Variants in GLI2 observed in about 807,000 individuals in gnomAD.
The protein encoded by GLI2 is transcription activator GLI2.
In GLI2, 22 loss-of-function variants were observed where a neutral mutation model predicts 78.9. The observed-to-expected ratio is 0.28, with a 90% CI of 0.20 to 0.40. The LOEUF is 0.40. Among genes scored for constraint, GLI2 ranks in the 10% least tolerant of loss-of-function variants. The pLI is 1.00. For missense variants in GLI2, 2,097 were observed against 2,213.2 expected, an observed-to-expected ratio of 0.95 and a Z score of 1.05; for synonymous variants, 974 against 963.7, an observed-to-expected ratio of 1.01 and a Z score of -0.20.
At position 120,737,563 on chromosome 2, in the gene GLI2, G is replaced by C. The variant is rs545887027; in HGVS notation, c.-31+1278G>C. ...TAGGCGTCCCTCTGTCCCCCAGCCCGGGCATCCCGCTCGGTGCGCGACCTC... is the reference window on the plus strand; with the variant it reads ...TAGGCGTCCCTCTGTCCCCCAGCCCCGGCATCCCGCTCGGTGCGCGACCTC... On this transcript the variant is annotated intron_variant, in intron 1 of 13. Coordinates refer to ENST00000361492, the MANE Select transcript of GLI2 (RefSeq NM_001374353.1). This position sits in a 1 kb window ranked among gnomAD's most constrained non-coding sequence, Gnocchi z 4.3. 1.3e-5 allele frequency among the ~76,000 whole-genome samples: 2 copies of C among 152,200 alleles called. No individual in the cohort carries two copies. The highest frequency in any genetic ancestry group is 2.9e-5 in the Non-Finnish European group (2 of 68,040).
intron 2 of GLI2, among the ~76,000 whole-genome samples, chr2:120,807,474 T>A (rs531153128): frequency 6.6e-6 from 1 of 152,186 alleles, no homozygotes; most frequent in Non-Finnish European, 1.5e-5. Context: ...AACTGTTTTC[T>A]GAGGGTAGCG....
At chr2:120,846,951 G>A (rs911242728) in intron 2 of GLI2, among the ~76,000 whole-genome samples, 2 of 152,214 alleles carry the variant, frequency 1.3e-5, no homozygotes, top group African/African-American at 4.8e-5. Flanking sequence ...ATGGGTTTTA[G>A]CTGTGTCTTT....
chr2:120,798,385 G>A (rs1209460773), intron 2 of GLI2, among the ~76,000 whole-genome samples: 1 of 152,232 alleles, frequency 6.6e-6, no homozygotes, highest in African/African-American at 2.4e-5. Context: ...TGGGTGCCAA[G>A]ATGATGCTGG....
intron 1 of GLI2, among the ~76,000 whole-genome samples, chr2:120,779,825 CCAGGA>C (rs1683785106): frequency 6.6e-6 from 1 of 152,254 alleles, no homozygotes; most frequent in Non-Finnish European, 1.5e-5. Flanking sequence ...CCTCCCCGGG[CCAGGA>C]CTGGCAGCCT....
intron 7 of GLI2, among the ~76,000 whole-genome samples, chr2:120,970,843 G>A (rs1263254319): frequency 6.6e-6 from 1 of 152,206 alleles, no homozygotes; most frequent in Non-Finnish European, 1.5e-5. Context: ...ATAAGTAGAT[G>A]GAGAAAGCCT....
chr2:120,915,375 C>G (rs1244746761), intron 2 of GLI2, among the ~76,000 whole-genome samples: 2 of 152,184 alleles, frequency 1.3e-5, no homozygotes, highest in African/African-American at 4.8e-5. Flanking sequence ...ATTCCTCCCC[C>G]CACGTTTTTC....
At chr2:120,887,649 G>A (rs1374972039) in intron 2 of GLI2, among the ~76,000 whole-genome samples, 4 of 152,220 alleles carry the variant, frequency 2.6e-5, no homozygotes, top group East Asian at 1.9e-4. Context: ...TGTTGGAAGC[G>A]CCCTTCTCCC....
rs750540341 is a variant in GLI2, at chr2:120,739,712, C to A, written c.-31+3427C>A. On this transcript the variant is annotated intron_variant, in intron 1 of 13. Coordinates refer to ENST00000361492, the MANE Select transcript of GLI2 (RefSeq NM_001374353.1). The stretch of plus-strand genomic sequence containing the variant: ...AAGGAACCCGGGGGAGCACTTCCCC[C>A]CTTTCTTCTTTTCACTAAGTGTCAG... Among the ~76,000 whole-genome samples, 3 of 152,222 alleles carry A rather than the reference C, an allele frequency of 2.0e-5. No individual in the cohort carries two copies. The East Asian group carries it at 5.8e-4, about 29-fold the overall frequency.
chr2:120,951,783 T>C (rs1681005897), intron 4 of GLI2: 1 of 240,450 alleles, frequency 4.2e-6, no homozygotes, highest in Non-Finnish European at 8.0e-6. Context: ...GGATGTTGTG[T>C]TGGAGTGTCT....
At chr2:120,842,280 A>G (rs935136210) in intron 2 of GLI2, among the ~76,000 whole-genome samples, 1 of 152,142 alleles carries the variant, frequency 6.6e-6, no homozygotes, top group Non-Finnish European at 1.5e-5. Context: ...GTTTATATTT[A>G]TATATGTGTG....
At chr2:120,896,693 CCATA>C (rs1252902857) in intron 2 of GLI2, among the ~76,000 whole-genome samples, 5 of 106,886 alleles carry the variant, frequency 4.7e-5, no homozygotes, top group South Asian at 3.4e-4. Context: ...TCACACACAC[CCATA>C]CACACACACA....
At chr2:120,758,532 C>T (rs1683105879) in intron 1 of GLI2, among the ~76,000 whole-genome samples, 1 of 152,198 alleles carries the variant, frequency 6.6e-6, no homozygotes, top group East Asian at 1.9e-4. Context: ...GTTCAGCCTG[C>T]GCCCCTGGCC....
At chr2:120,960,382 G>A (rs547480955) in intron 5 of GLI2, among the ~76,000 whole-genome samples, 5 of 152,290 alleles carry the variant, frequency 3.3e-5, no homozygotes, top group South Asian at 2.1e-4. Flanking sequence ...GCAAGAGGGC[G>A]AGCAGGGAGA....
intron 1 of GLI2, among the ~76,000 whole-genome samples, chr2:120,754,394 A>G (rs893733071): frequency 1.3e-5 from 2 of 152,156 alleles, no homozygotes. Flanking sequence ...GGACATATCC[A>G]TCATCCGCAG....
chr2:120,915,751 A>G (rs1679067286), intron 2 of GLI2, among the ~76,000 whole-genome samples: 1 of 152,140 alleles, frequency 6.6e-6, no homozygotes, highest in Admixed American at 6.6e-5. Flanking sequence ...AGTCCCTGGC[A>G]GCCTCTCCCA....
In GLI2 at chr2:120,990,609, C is replaced by A; in HGVS notation, c.4644C>A (p.Val1548=). ...SIPAGISNMA[V]GDMSSMLTSL... Reference sequence around the variant, plus strand: ...CCGCAGGCATCAGCAACATGGCTGTCGGGGACATGAGCTCCATGCTCACCA... The same window carrying A: ...CCGCAGGCATCAGCAACATGGCTGTAGGGGACATGAGCTCCATGCTCACCA... Residue 1548 remains valine, a synonymous_variant, in exon 14 of 14, where the codon GTC becomes GTA. Coordinates refer to ENST00000361492, the MANE Select transcript of GLI2 (RefSeq NM_001374353.1). 1 of 1,613,710 alleles carries A rather than the reference C, an allele frequency of 6.2e-7. No homozygotes were observed. The highest frequency in any genetic ancestry group is 8.5e-7 in the Non-Finnish European group (1 of 1,179,780).
chr2:120,923,778 GCA>G (rs1679524349), intron 2 of GLI2, among the ~76,000 whole-genome samples: 1 of 151,946 alleles, frequency 6.6e-6, no homozygotes. Context: ...TGCACGTGCA[GCA>G]CACACATATA....
chr2:120,749,318 T>G (rs1262988348), intron 1 of GLI2, among the ~76,000 whole-genome samples: 1 of 152,172 alleles, frequency 6.6e-6, no homozygotes, highest in African/African-American at 2.4e-5. Flanking sequence ...CTCCTTGGTT[T>G]GAGAAAGCAA....
At chr2:120,740,103 G>C (rs868632250) in intron 1 of GLI2, among the ~76,000 whole-genome samples, 4 of 142,150 alleles carry the variant, frequency 2.8e-5, no homozygotes, top group Middle Eastern at 3.7e-3. Context: ...GGAATATCAA[G>C]AATTAAAAAA....
Sources: gnomAD v4.1 joint callset for allele counts (sites outside exome capture counted in the v4.1 genomes callset) on GRCh38, gnomAD v4.1.1 for gene constraint, Gnocchi (gnomAD v3.1) non-coding constraint, MANE v1.5 for transcripts, NCBI Gene and HGNC (gene_info 2026-07-23, HGNC 2026-07-21) for gene names.